The following THTPA variants were observed in gnomAD, a reference collection of about 807,000 sequenced individuals.
THTPA encodes the protein thiamine triphosphatase, also known as thiamine-triphosphatase.
Under a neutral mutation model 16.5 loss-of-function variants are expected in THTPA, and 16 were observed. The observed-to-expected ratio is 0.97, with a 90% CI of 0.66 to 1.47. The LOEUF (loss-of-function observed/expected upper bound fraction) is 1.47. Ranked by LOEUF, THTPA falls within the 40% of genes most tolerant of loss-of-function variation. The probability of loss-of-function intolerance (pLI) is 0.00; values close to 1 mark genes in which losing one functional copy is unlikely to be tolerated. For synonymous variants in THTPA, 110 were observed against 115.5 expected (o/e 0.95, Z 0.30); for missense variants, 281 against 280.9 (o/e 1.00, Z 0.00).
At chr14:23,524,942 C>G in the THTPA span, 3 of 1,536,166 alleles carry the variant, frequency 2.0e-6, no homozygotes, top group Middle Eastern at 1.7e-4. The surrounding 1 kb of genome is among the most constrained non-coding windows in gnomAD (Gnocchi z 5.6). Flanking sequence ...GGAGGCTCCC[C>G]CAGTGCCTCC....
At chr14:23,536,193 G>A in the THTPA span, among the ~76,000 whole-genome samples, 3,363 of 152,204 alleles carry the variant, frequency 0.022, 139 homozygotes, top group African/African-American at 0.076. Flanking sequence ...ACTACTGCCC[G>A]CTACAGTGTA....
the THTPA span, chr14:23,532,400 A>G: frequency 1.3e-6 from 1 of 791,470 alleles, no homozygotes; most frequent in Non-Finnish European, 1.8e-6. Flanking sequence ...CTCTTTCTCC[A>G]TGTCTGTCAC....
chr14:23,555,430 C>T (rs1471493871), upstream of THTPA, among the ~76,000 whole-genome samples: 1 of 152,370 alleles, frequency 6.6e-6, no homozygotes, highest in African/African-American at 2.4e-5. Context: ...GCCTCGTCTT[C>T]TCCTTACGTA....
chr14:23,522,398 TC>T, the THTPA span: 12 of 1,536,154 alleles, frequency 7.8e-6, no homozygotes, highest in Non-Finnish European at 9.6e-6. Flanking sequence ...CTCACCAGCT[TC>T]CCCCTCCCCT....
chr14:23,535,267 G>C, the THTPA span: 2 of 1,499,888 alleles, frequency 1.3e-6, no homozygotes, highest in Non-Finnish European at 1.8e-6. This position sits in a 1 kb window ranked among gnomAD's most constrained non-coding sequence, Gnocchi z 4.5. Flanking sequence ...CAGGGACGGG[G>C]CATTGTGCCC....
rs2138980014 is a variant in THTPA at position 23,556,363 on chromosome 14, TGGCCGGTA to T, written c.-393_-386del. 1 of 183,834 alleles carries T rather than the reference TGGCCGGTA, an allele frequency of 5.4e-6. No individual in the cohort carries two copies. Among genetic ancestry groups the T allele is most frequent in the Non-Finnish European group, 1.1e-5 (1 of 87,584 alleles). 11.4% of individuals were successfully genotyped at this position (183,834 alleles called of 1,614,324 possible). A position where few individuals can be genotyped will look rare whatever the true frequency, so the allele number is the denominator to read the frequency against. The stretch of plus-strand genomic sequence containing the variant: ...TTTGAGGTGAGACCTGAAGTTCCGC[TGGCCGGTA>T]GTGTAGCAGGAAAGGGCAGGTCCTC... On this transcript the variant is annotated 5_prime_UTR_variant, in exon 1 of 2. Transcript: ENST00000288014.
chr14:23,535,569 ATTTATTTTAT>A, the THTPA span, among the ~76,000 whole-genome samples: 2 of 151,870 alleles, frequency 1.3e-5, no homozygotes, highest in African/African-American at 4.8e-5. The surrounding 1 kb of genome is among the most constrained non-coding windows in gnomAD (Gnocchi z 4.5). Flanking sequence ...TCTTCATTTT[ATTTATTTTAT>A]TTTATTTTAT....
the THTPA span, among the ~76,000 whole-genome samples, chr14:23,539,621 C>A: frequency 6.6e-6 from 1 of 152,178 alleles, no homozygotes; most frequent in African/African-American, 2.4e-5. Flanking sequence ...GAATCTGCCC[C>A]TCGCTGAAGA....
the THTPA span, among the ~76,000 whole-genome samples, chr14:23,515,619 G>T: frequency 6.6e-6 from 1 of 152,190 alleles, no homozygotes; most frequent in Admixed American, 6.5e-5. Context: ...TTTCTAGTAG[G>T]TTTGGCTTTC....
chr14:23,529,297 C>G, the THTPA span: 2 of 205,830 alleles, frequency 9.7e-6, no homozygotes, highest in South Asian at 1.6e-4. Context: ...CAGTTCCATC[C>G]AGGCTCAGGG....
At chr14:23,533,811 G>A in the THTPA span, 4 of 1,544,686 alleles carry the variant, frequency 2.6e-6, no homozygotes, top group Non-Finnish European at 3.5e-6. This position sits in a 1 kb window ranked among gnomAD's most constrained non-coding sequence, Gnocchi z 4.8. Flanking sequence ...GGTAGGGTTT[G>A]TAGCCACAGT....
chr14:23,537,632 GT>G, the THTPA span, among the ~76,000 whole-genome samples: 79 of 152,314 alleles, frequency 5.2e-4, no homozygotes, highest in Middle Eastern at 3.4e-3. Context: ...TGGGAAAGGG[GT>G]GGAAGGGATG....
chr14:23,534,629 C>A, the THTPA span: 1 of 1,536,064 alleles, frequency 6.5e-7, no homozygotes, highest in Non-Finnish European at 8.7e-7. The surrounding 1 kb of genome is among the most constrained non-coding windows in gnomAD (Gnocchi z 4.5). Flanking sequence ...AAGACCGCCA[C>A]GTGGTTGCCC....
At chr14:23,527,564 T>TA in the THTPA span, 1 of 1,535,046 alleles carries the variant, frequency 6.5e-7, no homozygotes. Flanking sequence ...ACAGCCCTAA[T>TA]AAGGTCTTGT....
the THTPA span, chr14:23,513,392 CGT>C: frequency 5.3e-5 from 8 of 152,226 alleles, no homozygotes; most frequent in Non-Finnish European, 8.8e-5. Context: ...CTCATGGGGC[CGT>C]GTGTGTGTGT....
At chr14:23,549,007 T>C in the THTPA span, among the ~76,000 whole-genome samples, 1 of 152,138 alleles carries the variant, frequency 6.6e-6, no homozygotes, top group Non-Finnish European at 1.5e-5. Flanking sequence ...TTGCCATCCA[T>C]TTACCTTCTT....
chr14:23,529,888 G>A, the THTPA span: 28 of 1,105,610 alleles, frequency 2.5e-5, no homozygotes, highest in East Asian at 5.4e-4. Flanking sequence ...CAGTAGATAG[G>A]TGAGGCTTGG....
At chr14:23,528,971 G>A in the THTPA span, among the ~76,000 whole-genome samples, 41 of 152,376 alleles carry the variant, frequency 2.7e-4, 1 homozygote, top group South Asian at 6.6e-3. Context: ...CAGACATCTG[G>A]AAGAGGTCTG....
the THTPA span, among the ~76,000 whole-genome samples, chr14:23,528,979 C>T: frequency 5.8e-3 from 891 of 152,344 alleles, 9 homozygotes; most frequent in Admixed American, 0.011. Context: ...TGGAAGAGGT[C>T]TGTTGGCGGG....
Sources: allele counts gnomAD v4.1 joint callset (sites outside exome capture counted in the v4.1 genomes callset), GRCh38; gene constraint gnomAD v4.1.1; non-coding constraint Gnocchi (gnomAD v3.1); transcripts MANE v1.5; gene names NCBI Gene and HGNC (gene_info 2026-07-23, HGNC 2026-07-21).